DCAF8L2: variants seen among roughly 807,000 people sequenced by gnomAD.
DCAF8L2 encodes the protein DDB1- and CUL4-associated factor 8-like protein 2.
For missense variants in DCAF8L2, 430 were observed against 490.7 expected (o/e 0.88, Z 1.17); for synonymous variants, 200 against 190.9 (o/e 1.05, Z -0.39).
At chrX:27,519,701 A>G in the DCAF8L2 span, 5 of 580,368 alleles carry the variant, frequency 8.6e-6, no homozygotes, top group South Asian at 9.1e-5. Flanking sequence ...ACACAGAAAA[A>G]TGCGCGTGTT....
chrX:27,621,500 C>A (rs984247449), intron 1 of DCAF8L2, among the ~76,000 whole-genome samples: 3 of 111,378 alleles, frequency 2.7e-5, no homozygotes, highest in Admixed American at 9.6e-5. Flanking sequence ...ACTCCTCCTG[C>A]CCACCCACCA....
chrX:27,722,168 T>C (rs1012614155), intron 4 of DCAF8L2, among the ~76,000 whole-genome samples: 1 of 111,978 alleles, frequency 8.9e-6, no homozygotes, highest in Admixed American at 9.5e-5. Context: ...TCTAACAATG[T>C]TGAAAAGACA....
At chrX:27,526,501 G>A in the DCAF8L2 span, among the ~76,000 whole-genome samples, 11 of 112,164 alleles carry the variant, frequency 9.8e-5, no homozygotes, top group Non-Finnish European at 1.5e-4. Flanking sequence ...AAGTTTGATC[G>A]TCTGAAGCCT....
the DCAF8L2 span, among the ~76,000 whole-genome samples, chrX:27,480,828 C>G: frequency 9.0e-6 from 1 of 111,624 alleles, no homozygotes; most frequent in Non-Finnish European, 1.9e-5. Flanking sequence ...GCCACTCAAA[C>G]TGGTTAAGGA....
the DCAF8L2 span, among the ~76,000 whole-genome samples, chrX:27,498,684 T>A: frequency 4.5e-5 from 5 of 112,137 alleles, no homozygotes; most frequent in African/African-American, 1.6e-4. Context: ...TATCTTCAAG[T>A]TCGTACCTTT....
chrX:27,516,454 T>A, the DCAF8L2 span, among the ~76,000 whole-genome samples: 9 of 97,454 alleles, frequency 9.2e-5, no homozygotes, highest in South Asian at 5.1e-4. Flanking sequence ...CATCTCTCTC[T>A]CACACACACA....
Position 27,748,190 on chromosome X carries a change from A to G in DCAF8L2, c.1295A>G (p.His432Arg). ...AACATCACCTGCGTTGTGTACAGCCACGATGGCACAGAGCTGCTAGCCAGC... is the reference window on the plus strand; with the variant it reads ...AACATCACCTGCGTTGTGTACAGCCGCGATGGCACAGAGCTGCTAGCCAGC... ...PTNITCVVYS[H>R]DGTELLASYN... Residue 432 changes from histidine (H) to arginine (R), a missense_variant, in exon 5 of 5, where the codon CAC (histidine) becomes CGC (arginine). By Grantham distance (29) the His-to-Arg change is conservative (BLOSUM62 0). Coordinates refer to ENST00000451261, the MANE Select transcript of DCAF8L2 (RefSeq NM_001353450.2). 2 of 1,212,315 alleles carry G rather than the reference A, an allele frequency of 1.6e-6. No individual in the cohort carries two copies. Among genetic ancestry groups the G allele is most frequent in the Non-Finnish European group, 2.2e-6 (2 of 895,648 alleles).
chrX:27,566,545 T>C, the DCAF8L2 span, among the ~76,000 whole-genome samples: 1 of 111,037 alleles, frequency 9.0e-6, no homozygotes. Context: ...TAATAGACCC[T>C]TAAAATCCTT....
rs780834459 is a variant in DCAF8L2 at position 27,636,106 on chromosome X, C to T, written c.-220+4106C>T. ...TGCTGGGATTACAGGTGTGAGCCAC[C>T]GTGCCCGGCCAGAAATTTCTATTAA... On this transcript the variant is annotated intron_variant, in intron 2 of 4. Coordinates refer to ENST00000451261, the MANE Select transcript of DCAF8L2 (RefSeq NM_001353450.2). 1.1e-4 allele frequency among the ~76,000 whole-genome samples: 12 copies of T among 111,174 alleles called. No individual in the cohort carries two copies. In the East Asian group the frequency reaches 2.0e-3, roughly 18 times the overall value.
At chrX:27,587,985 A>AAAAAAAAATATATAT, upstream of DCAF8L2, among the ~76,000 whole-genome samples, 14 of 22,352 alleles carry the variant, frequency 6.3e-4, no homozygotes, top group African/African-American at 1.3e-3. Flanking sequence ...TAAAAAAAAA[A>AAAAAAAAATATATAT]ATATATATAT....
At chrX:27,592,684 GCCTCAGCCTC>G (rs1206668212) in intron 1 of DCAF8L2, among the ~76,000 whole-genome samples, 9 of 110,586 alleles carry the variant, frequency 8.1e-5, no homozygotes, top group African/African-American at 3.0e-4. Flanking sequence ...TGATCTGCCC[GCCTCAGCCTC>G]CCAAAGTGCT....
At chrX:27,500,701 G>A in the DCAF8L2 span, among the ~76,000 whole-genome samples, 3 of 111,220 alleles carry the variant, frequency 2.7e-5, no homozygotes, top group Admixed American at 1.9e-4. Context: ...ATATAAAAAC[G>A]AGGTAAGTCT....
the DCAF8L2 span, among the ~76,000 whole-genome samples, chrX:27,544,380 A>G: frequency 1.3e-4 from 14 of 111,919 alleles, no homozygotes; most frequent in African/African-American, 4.2e-4. Flanking sequence ...CAGTTAATTT[A>G]TTAGTGAACC....
chrX:27,672,359 G>A (rs918621859), intron 2 of DCAF8L2, among the ~76,000 whole-genome samples: 3 of 111,540 alleles, frequency 2.7e-5, no homozygotes, highest in East Asian at 2.8e-4. Context: ...AGTGATATTC[G>A]CATGATTTTC....
chrX:27,513,639 A>G, the DCAF8L2 span, among the ~76,000 whole-genome samples: 13 of 106,459 alleles, frequency 1.2e-4, no homozygotes, highest in African/African-American at 4.5e-4. Flanking sequence ...TGGGACATGG[A>G]GGTTACAGTG....
chrX:27,655,743 C>T (rs928088702), intron 2 of DCAF8L2, among the ~76,000 whole-genome samples: 2 of 111,496 alleles, frequency 1.8e-5, no homozygotes, highest in African/African-American at 3.3e-5. Context: ...GATACCAAAA[C>T]TCACTAACTA....
intron 1 of DCAF8L2, among the ~76,000 whole-genome samples, chrX:27,623,444 A>G (rs941387014): frequency 9.0e-6 from 1 of 111,398 alleles, no homozygotes; most frequent in Admixed American, 9.6e-5. Flanking sequence ...CTTTTAGTAA[A>G]TATACCTGTT....
chrX:27,700,041 A>C (rs2147266433), intron 3 of DCAF8L2, among the ~76,000 whole-genome samples: 1 of 110,644 alleles, frequency 9.0e-6, no homozygotes, highest in Non-Finnish European at 1.9e-5. Context: ...AGAAAAGAAA[A>C]GAAAAGGGAA....
At chrX:27,556,312 A>G in the DCAF8L2 span, among the ~76,000 whole-genome samples, 1 of 111,708 alleles carries the variant, frequency 9.0e-6, no homozygotes, top group Non-Finnish European at 1.9e-5. Context: ...GACTACCCCA[A>G]AAGCTCACAT....
Sources: allele counts gnomAD v4.1 joint callset (sites outside exome capture counted in the v4.1 genomes callset), GRCh38; gene constraint gnomAD v4.1.1; transcripts MANE v1.5; gene names NCBI Gene and HGNC (gene_info 2026-07-23, HGNC 2026-07-21).